Variants in CTBP1 observed in about 807,000 individuals in gnomAD.
The protein encoded by CTBP1 is C-terminal binding protein 1.
Under a neutral mutation model 42.1 loss-of-function variants are expected in CTBP1, and 11 were observed. The observed-to-expected ratio is 0.26, with a 90% CI of 0.16 to 0.43. The LOEUF is 0.43. CTBP1 is among the 20% of genes least tolerant of loss of function. CTBP1 has a pLI of 1.00. For missense variants in CTBP1, 399 were observed against 624.3 expected, an observed-to-expected ratio of 0.64 and a Z score of 3.85; for synonymous variants, 324 against 277.1, an observed-to-expected ratio of 1.17 and a Z score of -1.68.
In CTBP1 at chr4:1,213,421, C is replaced by T. The variant is rs1728752608; in HGVS notation, c.988+57G>A. On this transcript the variant is annotated intron_variant, in intron 8 of 9. Transcript: ENST00000382952. ...TGCCAGGCGGATGCGAGCCCATGAG[C>T]ATCTGGGGCTGGCAGGAAGGGACCC... 2.5e-6 allele frequency: 4 copies of T among 1,598,382 alleles called. No homozygotes were observed. The South Asian group carries it at 4.4e-5, about 18-fold the overall frequency.
At chr4:1,245,421 T>C (rs1732615141) in intron 1 of CTBP1, 2 of 985,160 alleles carry the variant, frequency 2.0e-6, no homozygotes, top group East Asian at 1.1e-4. Flanking sequence ...GGGCTACACC[T>C]TCCTCCCCTT....
At chr4:1,245,776 C>T (rs1323591565) in intron 1 of CTBP1, among the ~76,000 whole-genome samples, 1 of 152,034 alleles carries the variant, frequency 6.6e-6, no homozygotes, top group Non-Finnish European at 1.5e-5. Flanking sequence ...TGGCTTGGGC[C>T]ACACCAGGCC....
intron 1 of CTBP1, chr4:1,245,623 G>T (rs371266163): frequency 1.0e-6 from 1 of 983,882 alleles, no homozygotes; most frequent in Non-Finnish European, 1.2e-6. Context: ...TGACACGGGC[G>T]GCATAGCAGA....
chr4:1,221,885 G>T, intron 5 of CTBP1: 1 of 388,866 alleles, frequency 2.6e-6, no homozygotes, highest in Admixed American at 3.2e-5. Context: ...GGGAAGGAGG[G>T]AGGAAAGAAA....
At chr4:1,227,037 G>A (rs532994483) in intron 4 of CTBP1, among the ~76,000 whole-genome samples, 4 of 152,178 alleles carry the variant, frequency 2.6e-5, no homozygotes, top group Admixed American at 2.6e-4. Flanking sequence ...GAGAGGAGGA[G>A]AAAAAACAGA....
intron 1 of CTBP1, among the ~76,000 whole-genome samples, chr4:1,245,989 T>C (rs1732679858): frequency 6.6e-6 from 1 of 152,186 alleles, no homozygotes; most frequent in South Asian, 2.1e-4. Flanking sequence ...AGGTTAACGT[T>C]TGGCTCGGCA....
intron 3 of CTBP1, chr4:1,236,452 C>A: frequency 3.5e-6 from 2 of 578,246 alleles, no homozygotes; most frequent in Non-Finnish European, 3.1e-6. Context: ...TTACTCCACC[C>A]CCGCCACAAA....
chr4:1,248,776 C>G, intron 1 of CTBP1, 140 bp downstream of exon 1: 2 of 965,042 alleles, frequency 2.1e-6, no homozygotes, highest in Non-Finnish European at 2.5e-6. Context: ...CGCGCGGACG[C>G]CGGCGCGCAC....
chr4:1,239,942 C>T (rs993159527), intron 2 of CTBP1, among the ~76,000 whole-genome samples: 1 of 152,254 alleles, frequency 6.6e-6, no homozygotes, highest in Non-Finnish European at 1.5e-5. Context: ...CCTCCCTCTG[C>T]ACGTGGCCTC....
intron 2 of CTBP1, 92 bp downstream of exon 2, chr4:1,241,233 C>T (rs988421046): frequency 6.4e-6 from 5 of 779,118 alleles, no homozygotes; most frequent in Non-Finnish European, 1.2e-5. Context: ...GCCCAGGTCC[C>T]TCGACTTGAT....
intron 5 of CTBP1, chr4:1,223,620 A>G: frequency 2.5e-6 from 1 of 399,512 alleles, no homozygotes; most frequent in South Asian, 1.8e-5. Flanking sequence ...CTGGGGAGAC[A>G]GGCAGCTGGG....
chr4:1,237,970 G>C, intron 3 of CTBP1: 1 of 726,474 alleles, frequency 1.4e-6, no homozygotes, highest in East Asian at 2.7e-5. Flanking sequence ...TCCACCTCCT[G>C]ATGGGGCTCA....
intron 5 of CTBP1, among the ~76,000 whole-genome samples, chr4:1,221,039 T>G (rs1434650215): frequency 1.3e-5 from 2 of 152,344 alleles, no homozygotes; most frequent in East Asian, 3.9e-4. Context: ...AGCCACGGCC[T>G]GAGATATTCG....
intron 4 of CTBP1, among the ~76,000 whole-genome samples, chr4:1,227,734 G>A (rs1730528750): frequency 6.6e-6 from 1 of 151,818 alleles, no homozygotes; most frequent in South Asian, 2.1e-4. Context: ...TGTGTTCTGT[G>A]TGCTGAGTGT....
intron 1 of CTBP1, among the ~76,000 whole-genome samples, chr4:1,248,397 C>T (rs1485685102): frequency 6.6e-6 from 1 of 151,308 alleles, no homozygotes; most frequent in East Asian, 2.0e-4. Flanking sequence ...CCCCACAGCG[C>T]GCGGCCACGG....
chr4:1,238,367 G>A lies in CTBP1; in HGVS notation c.8-30C>T. The A allele has an allele frequency of 6.6e-7, 1 of 1,525,796 alleles. No homozygotes were observed. The highest frequency in any genetic ancestry group is 8.8e-7 in the Non-Finnish European group (1 of 1,137,538). 94.5% of individuals were successfully genotyped at this position (1,525,796 alleles called of 1,614,324 possible). On this transcript the variant is annotated intron_variant, in intron 2 of 9. Coordinates refer to ENST00000382952, the MANE Select transcript of CTBP1 (RefSeq NM_001012614.2). The surrounding 1 kb of genome is among the most constrained non-coding windows in gnomAD (Gnocchi z 5.9). ...AAGACAGAGGCAAGTGCTCAGCCTT[G>A]CACCACTGCGGCCCCGTGGCTACAA...
chr4:1,225,447 T>G lies in CTBP1; in HGVS notation c.427A>C (p.Thr143Pro), dbSNP rs749298564. 1.3e-6 allele frequency: 2 copies of G among 1,545,486 alleles called. No individual in the cohort carries two copies. The highest frequency in any genetic ancestry group is 2.4e-5 in the South Asian group (2 of 84,150). Reference protein sequence around the residue: ...TWLHQALREGTRVQSVEQIRE... With the variant: ...TWLHQALREGPRVQSVEQIRE... The stretch of plus-strand genomic sequence containing the variant: ...ATCTGCTCGACGCTCTGGACTCGTG[T>G]GCCCTCCCGCAGCGCCTGGTGCAGC... Residue 143 changes from threonine to proline, a missense_variant, in exon 5 of 10, where the codon ACA becomes CCA. Thr to Pro is a conservative substitution (Grantham distance 38). Around this residue, in one of 4 missense-constraint regions of CTBP1, gnomAD observed 309 missense variants for 497.5 expected, o/e 0.62. Transcript: ENST00000382952.
intron 5 of CTBP1, among the ~76,000 whole-genome samples, chr4:1,222,852 G>A (rs1423201401): frequency 6.6e-6 from 1 of 152,100 alleles, no homozygotes; most frequent in South Asian, 2.1e-4. Flanking sequence ...GGAGAGACAG[G>A]ACACATGACT....
At chr4:1,236,403 T>C (rs1176137456) in intron 3 of CTBP1, 7 of 546,656 alleles carry the variant, frequency 1.3e-5, no homozygotes, top group Non-Finnish European at 1.6e-5. Flanking sequence ...AGACCGCCCG[T>C]GTGAAGACCG....
Sources: allele counts gnomAD v4.1 joint callset (sites outside exome capture counted in the v4.1 genomes callset), GRCh38; gene constraint gnomAD v4.1.1; regional missense constraint gnomAD v4.1.1; non-coding constraint Gnocchi (gnomAD v3.1); transcripts MANE v1.5; gene names NCBI Gene and HGNC (gene_info 2026-07-23, HGNC 2026-07-21).